Variants in MARCHF1 observed in about 807,000 individuals in gnomAD.
The protein encoded by MARCHF1 is membrane associated ring-CH-type finger 1, also known as E3 ubiquitin-protein ligase MARCHF1.
MARCHF1 carries 40 observed loss-of-function variants against 54.2 expected under a neutral mutation model. The observed-to-expected ratio is 0.74, with a 90% CI of 0.57 to 0.96. The LOEUF (loss-of-function observed/expected upper bound fraction) is 0.96. Ranked by LOEUF, MARCHF1 falls within the 40% of genes least tolerant of loss-of-function variation. MARCHF1 has a pLI of 0.00. For synonymous variants in MARCHF1, 236 were observed against 236.3 expected (o/e 1.00, Z 0.01); for missense variants, 586 against 656.5 (o/e 0.89, Z 1.17).
chr4:164,228,038 A>G lies in MARCHF1; in HGVS notation c.-322-116376T>C, dbSNP rs952727655. ...AATATTAAGAGGAATTATTCAACAGATATTTTATGGTTAAATTACAGAATG... is the reference window on the plus strand; with the variant it reads ...AATATTAAGAGGAATTATTCAACAGGTATTTTATGGTTAAATTACAGAATG... On this transcript the variant is annotated intron_variant, in intron 1 of 9. Transcript: ENST00000514618. Among the ~76,000 whole-genome samples, 5 of 152,222 alleles carry G rather than the reference A, an allele frequency of 3.3e-5. No homozygotes were observed. The East Asian group carries it at 9.6e-4, about 29-fold the overall frequency.
intron 8 of MARCHF1, among the ~76,000 whole-genome samples, chr4:163,583,045 C>T (rs1740280496): frequency 6.6e-6 from 1 of 152,124 alleles, no homozygotes; most frequent in Non-Finnish European, 1.5e-5. Flanking sequence ...ATGTCTAGGA[C>T]TCATGTGTTA....
At chr4:163,650,531 A>G (rs1245210809) in intron 5 of MARCHF1, among the ~76,000 whole-genome samples, 1 of 151,928 alleles carries the variant, frequency 6.6e-6, no homozygotes, top group African/African-American at 2.4e-5. Flanking sequence ...GTGACGATGA[A>G]GCTTATATTA....
intron 1 of MARCHF1, among the ~76,000 whole-genome samples, chr4:164,295,883 C>T (rs1432724996): frequency 6.6e-6 from 1 of 151,986 alleles, no homozygotes; most frequent in African/African-American, 2.4e-5. Context: ...GTTAGTTACA[C>T]TAATAAGACT....
At chr4:163,956,306 A>G (rs1579420356) in intron 3 of MARCHF1, among the ~76,000 whole-genome samples, 1 of 152,170 alleles carries the variant, frequency 6.6e-6, no homozygotes, top group Non-Finnish European at 1.5e-5. Context: ...TCTAACATAT[A>G]GTAAGTGTTC....
intron 5 of MARCHF1, among the ~76,000 whole-genome samples, chr4:163,672,376 C>G (rs183044810): frequency 4.1e-4 from 62 of 152,168 alleles, no homozygotes; most frequent in Non-Finnish European, 7.9e-4. Context: ...CAGCACGGCA[C>G]AGCTTGGTGT....
intron 2 of MARCHF1, among the ~76,000 whole-genome samples, chr4:164,041,496 C>A (rs1055653849): frequency 1.3e-5 from 2 of 152,054 alleles, no homozygotes; most frequent in African/African-American, 2.4e-5. Flanking sequence ...GTGCCCTGAG[C>A]AATTATTTGT....
At chr4:164,295,637 C>T (rs1734391629) in intron 1 of MARCHF1, among the ~76,000 whole-genome samples, 2 of 152,092 alleles carry the variant, frequency 1.3e-5, no homozygotes, top group Non-Finnish European at 2.9e-5. Context: ...ATTAAATAGG[C>T]TTCAAATTTT....
chr4:164,371,303 A>C (rs1731031806), intron 1 of MARCHF1, among the ~76,000 whole-genome samples: 1 of 152,224 alleles, frequency 6.6e-6, no homozygotes, highest in African/African-American at 2.4e-5. Flanking sequence ...TTAAAGCTTT[A>C]GTAGAAAACT....
chr4:164,082,131 A>G (rs899805723), intron 2 of MARCHF1, among the ~76,000 whole-genome samples: 1 of 152,188 alleles, frequency 6.6e-6, no homozygotes, highest in African/African-American at 2.4e-5. Context: ...TCCTGCCCAT[A>G]AATGCAAATA....
At chr4:163,717,103 G>A (rs1435254483) in intron 4 of MARCHF1, among the ~76,000 whole-genome samples, 1 of 149,556 alleles carries the variant, frequency 6.7e-6, no homozygotes, top group African/African-American at 2.5e-5. Context: ...CCATTAACTC[G>A]TCATTTAGCA....
intron 7 of MARCHF1, among the ~76,000 whole-genome samples, chr4:163,598,016 A>G (rs1003214516): frequency 8.5e-5 from 13 of 152,198 alleles, no homozygotes; most frequent in African/African-American, 2.2e-4. Flanking sequence ...TTCTAGGAAT[A>G]TATTGTATTA....
intron 3 of MARCHF1, among the ~76,000 whole-genome samples, chr4:163,915,830 T>A (rs761347704): frequency 9.2e-5 from 14 of 152,196 alleles, no homozygotes; most frequent in Non-Finnish European, 1.5e-4. Context: ...GGTAGTAAGA[T>A]CGTCAGCCTT....
At chr4:164,169,763 T>C (rs952646811) in intron 1 of MARCHF1, among the ~76,000 whole-genome samples, 7 of 152,114 alleles carry the variant, frequency 4.6e-5, no homozygotes, top group Non-Finnish European at 8.8e-5. Context: ...CTGTGGACAC[T>C]GGTGCCACAT....
At chr4:163,662,617 T>C (rs1017969385) in intron 5 of MARCHF1, among the ~76,000 whole-genome samples, 5 of 152,068 alleles carry the variant, frequency 3.3e-5, no homozygotes, top group Non-Finnish European at 5.9e-5. Context: ...GATAGAAATT[T>C]TCCTCAAATA....
At chr4:163,877,055 A>T (rs1314630970) in intron 3 of MARCHF1, among the ~76,000 whole-genome samples, 1 of 152,238 alleles carries the variant, frequency 6.6e-6, no homozygotes, top group South Asian at 2.1e-4. Context: ...GTAGTCCCCA[A>T]ATCTTATATC....
At chr4:164,342,147 C>A (rs941191457) in intron 1 of MARCHF1, among the ~76,000 whole-genome samples, 1 of 151,946 alleles carries the variant, frequency 6.6e-6, no homozygotes, top group Admixed American at 6.6e-5. Context: ...GGACAAAAGA[C>A]GAGAATAAAC....
At chr4:164,199,555 T>A (rs945780544) in intron 1 of MARCHF1, among the ~76,000 whole-genome samples, 1 of 151,034 alleles carries the variant, frequency 6.6e-6, no homozygotes, top group Non-Finnish European at 1.5e-5. Context: ...AGGCAGGGAA[T>A]CGCTTGAGAG....
At chr4:164,064,676 A>G (rs1049884278) in intron 2 of MARCHF1, among the ~76,000 whole-genome samples, 1 of 152,194 alleles carries the variant, frequency 6.6e-6, no homozygotes, top group Non-Finnish European at 1.5e-5. Flanking sequence ...CAGAACTTCC[A>G]ATACTTTGTT....
chr4:163,888,610 G>A (rs1451216836), intron 3 of MARCHF1, among the ~76,000 whole-genome samples: 2 of 152,144 alleles, frequency 1.3e-5, no homozygotes, highest in Admixed American at 6.6e-5. Flanking sequence ...ACTGTTAACT[G>A]ATAAATTGCA....
Sources: gnomAD v4.1 joint callset for allele counts (sites outside exome capture counted in the v4.1 genomes callset) on GRCh38, gnomAD v4.1.1 for gene constraint, MANE v1.5 for transcripts, NCBI Gene and HGNC (gene_info 2026-07-23, HGNC 2026-07-21) for gene names.